The following PLXNA2 variants were observed in gnomAD, a reference collection of about 807,000 sequenced individuals.
PLXNA2 encodes the protein plexin-A2.
A neutral mutation model predicts 193.5 loss-of-function variants in PLXNA2; 91 were observed. The ratio of observed to expected loss-of-function variants is 0.47; its 90% CI spans 0.40 to 0.56. The LOEUF (loss-of-function observed/expected upper bound fraction) is 0.56, where lower values mean the gene tolerates loss of function less well. Among genes scored for constraint, PLXNA2 ranks in the 20% least tolerant of loss-of-function variants. PLXNA2 has a pLI of 0.00. For synonymous variants in PLXNA2, 997 were observed against 1,027.3 expected (o/e 0.97, Z 0.56); for missense variants, 1,995 against 2,503.2 (o/e 0.80, Z 4.33).
At chr1:208,066,811 C>T (rs565072532) in intron 12 of PLXNA2, among the ~76,000 whole-genome samples, 179 of 152,096 alleles carry the variant, frequency 1.2e-3, no homozygotes, top group Non-Finnish European at 2.1e-3. Context: ...AGGTGGAAGA[C>T]AGTGATATGG....
In PLXNA2 at chr1:208,034,601, GGTACAAAAGGTACA is replaced by G; in HGVS notation, c.4765-23_4765-10del. 1 of 1,537,910 alleles carries G rather than the reference GGTACAAAAGGTACA, an allele frequency of 6.5e-7. No individual in the cohort carries two copies. Among genetic ancestry groups the G allele is most frequent in the East Asian group, 2.2e-5 (1 of 44,558 alleles). On this transcript the variant is annotated splice_polypyrimidine_tract_variant and intron_variant, in intron 26 of 31. Coordinates refer to ENST00000367033, the MANE Select transcript of PLXNA2 (RefSeq NM_025179.4). ...ACCGACCTGTCTGACACCTGAGAAG[GGTACAAAAGGTACA>G]GTACAAAAGGTGAATGTAGGTGTCT...
intron 3 of PLXNA2, among the ~76,000 whole-genome samples, chr1:208,192,946 G>A (rs75277157): frequency 0.19 from 28,220 of 150,334 alleles, 2,913 homozygotes; most frequent in Admixed American, 0.31. Context: ...TAATATTTTA[G>A]GGTCATAGAC....
Position 208,217,766 on chromosome 1 carries a change from A to C in PLXNA2, c.157T>G (p.Leu53Val), listed in dbSNP as rs775476017. The change falls in exon 2 of 32, where the codon TTG (leucine) becomes GTG (valine). Residue 53 changes from leucine (L) to valine (V), a missense_variant. Leu to Val is a conservative substitution (Grantham distance 32). Transcript: ENST00000367033. The surrounding 1 kb of genome is among the most constrained non-coding windows in gnomAD (Gnocchi z 4.7). ...SENRDWTFNH[L>V]TVHQGTGAVY... is the part of the protein sequence containing the mutation. ...GCCCCCGTCCCTTGGTGGACGGTCA[A>C]GTGGTTGAAGGTCCAGTCACGATTC... is the stretch of plus-strand genomic sequence containing the variant. 6.2e-7 allele frequency: 1 copy of C among 1,613,970 alleles called. No individual in the cohort carries two copies. Among genetic ancestry groups the C allele is most frequent in the South Asian group, 1.1e-5 (1 of 91,068 alleles).
In PLXNA2 at chr1:208,244,219, A is replaced by G. The variant is rs115049285; in HGVS notation, c.-657T>C. The G allele has an allele frequency of 0.057, 9,353 of 164,590 alleles. 983 individuals are homozygous for G. Among genetic ancestry groups the G allele is most frequent in the African/African-American group, 0.21 (8,833 of 41,560 alleles). The allele number at this position is 164,590 out of a possible 1,614,324, so 10.2% of individuals were successfully genotyped here. A position where few individuals can be genotyped will look rare whatever the true frequency, so the allele number is the denominator to read the frequency against. ...CCGGATCGCTCGCCCTCTCGGCTGA[A>G]AAATTCCCAGCAACTGCCCTCCGCC... On this transcript the variant is annotated 5_prime_UTR_variant, in exon 1 of 32. Transcript: ENST00000367033.
intron 4 of PLXNA2, among the ~76,000 whole-genome samples, chr1:208,108,226 G>C (rs1667336817): frequency 6.6e-6 from 1 of 152,088 alleles, no homozygotes; most frequent in Non-Finnish European, 1.5e-5. Context: ...CACATTATCA[G>C]ATAATTATTA....
intron 1 of PLXNA2, among the ~76,000 whole-genome samples, chr1:208,220,399 G>A (rs1321417620): frequency 6.6e-6 from 1 of 152,036 alleles, no homozygotes; most frequent in African/African-American, 2.4e-5. Flanking sequence ...ATGGTTGCAG[G>A]CACACAGTGA....
At chr1:208,177,729 A>G (rs1009393130) in intron 3 of PLXNA2, among the ~76,000 whole-genome samples, 2 of 152,254 alleles carry the variant, frequency 1.3e-5, no homozygotes, top group African/African-American at 4.8e-5. Flanking sequence ...GTGGTTCTCA[A>G]CCGTGGTCCC....
At chr1:208,041,980 T>A in intron 22 of PLXNA2, 118 bp downstream of exon 22, 1 of 1,054,062 alleles carries the variant, frequency 9.5e-7, no homozygotes, top group Non-Finnish European at 1.4e-6. Flanking sequence ...CTGCTCTGAA[T>A]GGGTGCCCCT....
At chr1:208,039,005 G>A in intron 24 of PLXNA2, 21 bp from the exon 25 acceptor site, 3 of 1,610,964 alleles carry the variant, frequency 1.9e-6, no homozygotes, top group Non-Finnish European at 2.5e-6. Flanking sequence ...GGGACAGAGG[G>A]TGAGCAGGAC....
intron 3 of PLXNA2, among the ~76,000 whole-genome samples, chr1:208,187,031 T>G (rs1670031980): frequency 6.6e-6 from 1 of 152,210 alleles, no homozygotes; most frequent in Non-Finnish European, 1.5e-5. Context: ...TGCAATGTTA[T>G]TTTGTACAAA....
At chr1:208,110,022 T>C (rs772825426) in intron 4 of PLXNA2, among the ~76,000 whole-genome samples, 36 of 152,344 alleles carry the variant, frequency 2.4e-4, no homozygotes, top group Non-Finnish European at 3.8e-4. Flanking sequence ...TGATTTTCTG[T>C]AGATTTTCTG....
At chr1:208,057,755 T>A (rs1473298417) in intron 13 of PLXNA2, among the ~76,000 whole-genome samples, 5 of 152,178 alleles carry the variant, frequency 3.3e-5, no homozygotes, top group Non-Finnish European at 7.3e-5. Flanking sequence ...CAAACAGCCA[T>A]CCAGCTTTGA....
chr1:208,036,198 G>T (rs934021199), intron 26 of PLXNA2, among the ~76,000 whole-genome samples: 2 of 152,190 alleles, frequency 1.3e-5, no homozygotes, highest in African/African-American at 4.8e-5. Context: ...CCTTACAACT[G>T]ACAGCCCAGA....
intron 1 of PLXNA2, among the ~76,000 whole-genome samples, chr1:208,224,680 A>G (rs1482614293): frequency 6.6e-6 from 1 of 152,166 alleles, no homozygotes; most frequent in Non-Finnish European, 1.5e-5. Flanking sequence ...CGAAGTGGCT[A>G]TACCTTGCCC....
chr1:208,102,676 A>G (rs1410735417), intron 5 of PLXNA2, among the ~76,000 whole-genome samples: 1 of 152,250 alleles, frequency 6.6e-6, no homozygotes, highest in Non-Finnish European at 1.5e-5. Context: ...TTCCCTAAAC[A>G]GCAATGGAGA....
At chr1:208,046,460 TG>T (rs1055272781) in intron 17 of PLXNA2, among the ~76,000 whole-genome samples, 5 of 151,642 alleles carry the variant, frequency 3.3e-5, no homozygotes, top group Non-Finnish European at 5.9e-5. Flanking sequence ...GCCTGGGGCA[TG>T]GGGGGCACAC....
chr1:208,092,222 T>C (rs1378582182), intron 9 of PLXNA2, among the ~76,000 whole-genome samples: 2 of 152,256 alleles, frequency 1.3e-5, no homozygotes, highest in Non-Finnish European at 2.9e-5. Flanking sequence ...GCTTTAGGGA[T>C]GGAGTTTCGA....
chr1:208,179,175 T>G (rs985167680), intron 3 of PLXNA2, among the ~76,000 whole-genome samples: 1 of 152,144 alleles, frequency 6.6e-6, no homozygotes, highest in Non-Finnish European at 1.5e-5. Flanking sequence ...CATTTTCTCT[T>G]AACATGAAAG....
At chr1:208,108,687 C>T (rs534686597) in intron 4 of PLXNA2, among the ~76,000 whole-genome samples, 42 of 152,332 alleles carry the variant, frequency 2.8e-4, no homozygotes, top group African/African-American at 1.0e-3. Context: ...TTACATTGTA[C>T]TCAACCCTCT....
Sources: allele counts gnomAD v4.1 joint callset (sites outside exome capture counted in the v4.1 genomes callset), GRCh38; gene constraint gnomAD v4.1.1; non-coding constraint Gnocchi (gnomAD v3.1); transcripts MANE v1.5; gene names NCBI Gene and HGNC (gene_info 2026-07-23, HGNC 2026-07-21).